Variants in DEFB129 observed in about 807,000 individuals in gnomAD.
The protein encoded by DEFB129 is beta-defensin 129.
A neutral mutation model predicts 2.5 loss-of-function variants in DEFB129; 2 were observed. That is an observed-to-expected ratio of 0.80 (90% CI 0.33 to 2.53). The LOEUF (loss-of-function observed/expected upper bound fraction) is 2.53. Among genes scored for constraint, DEFB129 ranks in the 30% most tolerant of loss-of-function variants. The pLI is 0.11. For missense variants in DEFB129, 177 were observed against 216.9 expected, an observed-to-expected ratio of 0.82 and a Z score of 1.16; for synonymous variants, 76 against 74.4, an observed-to-expected ratio of 1.02 and a Z score of -0.11.
Position 229,615 on chromosome 20 carries a change from T to C in DEFB129, c.396T>C (p.Thr132=). ...CTATGAACTCTGCCACCATCAGCACTATGACCCCAGGACAGATCACATACA... is the reference window on the plus strand; with the variant it reads ...CTATGAACTCTGCCACCATCAGCACCATGACCCCAGGACAGATCACATACA... The part of the protein sequence containing the change: ...ATPMNSATIS[T]MTPGQITYTA... The change falls in exon 2 of 2, where the codon ACT becomes ACC. Residue 132 remains threonine, a synonymous_variant. Transcript: ENST00000246105. The C allele has an allele frequency of 6.2e-7, 1 of 1,614,138 alleles. No homozygotes were observed. Among genetic ancestry groups the C allele is most frequent in the South Asian group, 1.1e-5 (1 of 91,068 alleles).
intron 1 of DEFB129, among the ~76,000 whole-genome samples, chr20:228,214 T>A (rs1371310975): frequency 6.6e-6 from 1 of 152,132 alleles, no homozygotes; most frequent in Non-Finnish European, 1.5e-5. Context: ...TTTGAAAAAA[T>A]TAGCAAAGGG....
In DEFB129 at chr20:229,817, A is replaced by G. The variant is rs73058578; in HGVS notation, c.*46A>G. On this transcript the variant is annotated 3_prime_UTR_variant, in exon 2 of 2. Coordinates refer to ENST00000246105, the MANE Select transcript of DEFB129 (RefSeq NM_080831.4). ...CTCCAAGTTCCTCTCTATTTTTGCT[A>G]TCTATAAAATGACATAGAACTGTTT... is the stretch of plus-strand genomic sequence containing the variant. The G allele has an allele frequency of 6.8e-3, 10,631 of 1,563,956 alleles. 64 individuals are homozygous for G. The highest frequency in any genetic ancestry group is 0.017 in the South Asian group (1,440 of 83,326).
Position 229,495 on chromosome 20 carries a change from G to T in DEFB129, c.276G>T (p.Val92=). 1.2e-6 allele frequency: 2 copies of T among 1,614,124 alleles called. No homozygotes were observed. Among genetic ancestry groups the T allele is most frequent in the Non-Finnish European group, 1.7e-6 (2 of 1,180,030 alleles). ...AACCTGCCAAGAATTCTAGTGCTGT[G>T]ATACAAAGAAAACATATTTTATCTG... ...MLKPAKNSSA[V]IQRKHILSVL... Residue 92 remains valine, a synonymous_variant, in exon 2 of 2, where the codon GTG becomes GTT. Coordinates refer to ENST00000246105, the MANE Select transcript of DEFB129 (RefSeq NM_080831.4).
At chr20:229,211 A>G in intron 1 of DEFB129, 67 bp from the exon 2 acceptor site, 1 of 1,517,304 alleles carries the variant, frequency 6.6e-7, no homozygotes, top group East Asian at 2.3e-5. Flanking sequence ...TCCATCTCCC[A>G]CTAGCAGTTT....
In DEFB129 at chr20:228,821, T is replaced by G. The variant is rs147793255; in HGVS notation, c.59-457T>G. ...GTGATTGTTGAGAAGAGAGAAGTCATGGGCTACTGAGTTTGGTGAAAAGAT... is the reference window on the plus strand; with the variant it reads ...GTGATTGTTGAGAAGAGAGAAGTCAGGGGCTACTGAGTTTGGTGAAAAGAT... On this transcript the variant is annotated intron_variant, in intron 1 of 1. Coordinates refer to ENST00000246105, the MANE Select transcript of DEFB129 (RefSeq NM_080831.4). 7.2e-3 allele frequency among the ~76,000 whole-genome samples: 1,094 copies of G among 152,316 alleles called. 4 individuals are homozygous for G. Among genetic ancestry groups the G allele is most frequent in the Middle Eastern group, 0.02 (6 of 294 alleles).
chr20:227,707 A>ATTTT (rs780439922), intron 1 of DEFB129, among the ~76,000 whole-genome samples: 17,839 of 151,486 alleles, frequency 0.12, 1,208 homozygotes, highest in East Asian at 0.2. Context: ...TTTTTTTAAA[A>ATTTT]AAAGTCCTGG....
rs1377183176 is a variant in DEFB129, at chr20:229,634, A to G, written c.415A>G (p.Thr139Ala). ...TISTMTPGQI[T>A]YTATSTKSNT... ...CAGCACTATGACCCCAGGACAGATCACATACACTGCTACTTCTACCAAGAG... is the reference window on the plus strand; with the variant it reads ...CAGCACTATGACCCCAGGACAGATCGCATACACTGCTACTTCTACCAAGAG... The change falls in exon 2 of 2, where the codon ACA (threonine) becomes GCA (alanine). Residue 139 changes from threonine to alanine, a missense_variant. Thr to Ala is a moderately conservative substitution (Grantham distance 58). Coordinates refer to ENST00000246105, the MANE Select transcript of DEFB129 (RefSeq NM_080831.4). 3 of 1,614,036 alleles carry G rather than the reference A, an allele frequency of 1.9e-6. No individual in the cohort carries two copies. The highest frequency in any genetic ancestry group is 1.6e-4 in the Middle Eastern group (1 of 6,082).
At position 229,819 on chromosome 20, in the gene DEFB129, C is replaced by A. The variant is rs373681747; in HGVS notation, c.*48C>A. 2.0e-5 allele frequency: 32 copies of A among 1,561,964 alleles called. No individual in the cohort carries two copies. The African/African-American group carries it at 4.2e-4, about 21-fold the overall frequency. On this transcript the variant is annotated 3_prime_UTR_variant, in exon 2 of 2. Coordinates refer to ENST00000246105, the MANE Select transcript of DEFB129 (RefSeq NM_080831.4). ...CCAAGTTCCTCTCTATTTTTGCTAT[C>A]TATAAAATGACATAGAACTGTTTCC...
rs750636952 is a variant in DEFB129 at position 229,564 on chromosome 20, C to T, written c.345C>T (p.Asn115=). ...IKSTSFFANT[N]FVIIPNATPM... ...GCACTAGCTTTTTTGCTAATACCAACTTTGTCATCATTCCAAATGCCACCC... is the reference window on the plus strand; with the variant it reads ...GCACTAGCTTTTTTGCTAATACCAATTTTGTCATCATTCCAAATGCCACCC... Residue 115 remains asparagine (N), a synonymous_variant, in exon 2 of 2, where the codon AAC becomes AAT. Coordinates refer to ENST00000246105, the MANE Select transcript of DEFB129 (RefSeq NM_080831.4). 1 of 1,614,198 alleles carries T rather than the reference C, an allele frequency of 6.2e-7. No individual in the cohort carries two copies. Among genetic ancestry groups the T allele is most frequent in the Non-Finnish European group, 8.5e-7 (1 of 1,180,032 alleles).
rs1258730031 is a variant in DEFB129, at chr20:229,626, G to A, written c.407G>A (p.Gly136Glu). The change falls in exon 2 of 2, where the codon GGA (glycine) becomes GAA (glutamate). Residue 136 changes from glycine to glutamate, a missense_variant. By Grantham distance (98) the Gly-to-Glu change is moderately conservative. Coordinates refer to ENST00000246105, the MANE Select transcript of DEFB129 (RefSeq NM_080831.4). ...GCCACCATCAGCACTATGACCCCAG[G>A]ACAGATCACATACACTGCTACTTCT... is the stretch of plus-strand genomic sequence containing the variant. ...NSATISTMTP[G>E]QITYTATSTK... 1 of 1,613,920 alleles carries A rather than the reference G, an allele frequency of 6.2e-7. No individual in the cohort carries two copies. Among genetic ancestry groups the A allele is most frequent in the East Asian group, 2.2e-5 (1 of 44,902 alleles).
At position 229,471 on chromosome 20, in the gene DEFB129, AC is replaced by A; in HGVS notation, c.254del (p.Pro85LeufsTer8). On this transcript the variant is annotated frameshift_variant, in exon 2 of 2. Coordinates refer to ENST00000246105, the MANE Select transcript of DEFB129 (RefSeq NM_080831.4). LOFTEE classifies it low-confidence loss of function (END_TRUNC). ...LNEDVQEMLK[P>X]AKNSSAVIQR... ...ATGAAGACGTCCAAGAAATGCTAAAACCTGCCAAGAATTCTAGTGCTGTGAT... is the reference window on the plus strand; with the variant it reads ...ATGAAGACGTCCAAGAAATGCTAAAACTGCCAAGAATTCTAGTGCTGTGAT... The A allele has an allele frequency of 6.2e-7, 1 of 1,614,126 alleles. No homozygotes were observed. Among genetic ancestry groups the A allele is most frequent in the Non-Finnish European group, 8.5e-7 (1 of 1,180,016 alleles).
intron 1 of DEFB129, 53 bp from the exon 2 acceptor site, chr20:229,222 TAAC>T (rs1412081740): frequency 6.5e-7 from 1 of 1,528,270 alleles, no homozygotes; most frequent in African/African-American, 1.4e-5. Flanking sequence ...CTAGCAGTTT[TAAC>T]ATCATCTCTA....
In DEFB129 at chr20:229,431, C is replaced by A; in HGVS notation, c.212C>A (p.Thr71Lys). 2.5e-6 allele frequency: 4 copies of A among 1,614,156 alleles called. No individual in the cohort carries two copies. Among genetic ancestry groups the A allele is most frequent in the Non-Finnish European group, 3.4e-6 (4 of 1,180,038 alleles). Residue 71 changes from threonine (T) to lysine (K), a missense_variant, in exon 2 of 2, where the codon ACA (threonine) becomes AAA (lysine). Transcript: ENST00000246105. ...ATTAAAAACTACCTGCAATATGGAA[C>A]ACCAAATGTACTTAATGAAGACGTC... is the stretch of plus-strand genomic sequence containing the variant. ...KLIKNYLQYG[T>K]PNVLNEDVQE...
At chr20:228,085 CAT>C (rs2011301656) in intron 1 of DEFB129, among the ~76,000 whole-genome samples, 1 of 152,172 alleles carries the variant, frequency 6.6e-6, no homozygotes, top group Admixed American at 6.5e-5. Flanking sequence ...CCCAAACTAC[CAT>C]AAGGGCATCT....
Position 229,837 on chromosome 20 carries a change from C to G in DEFB129, c.*66C>G. The G allele has an allele frequency of 6.6e-7, 1 of 1,524,514 alleles. No homozygotes were observed. Among genetic ancestry groups the G allele is most frequent in the Admixed American group, 2.0e-5 (1 of 50,346 alleles). The allele number at this position is 1,524,514 out of a possible 1,614,324, so 94.4% of individuals were successfully genotyped here. On this transcript the variant is annotated 3_prime_UTR_variant, in exon 2 of 2. Transcript: ENST00000246105. ...TTGCTATCTATAAAATGACATAGAA[C>G]TGTTTCCTCTGTCATCAGTCATTCA...
intron 1 of DEFB129, 68 bp from the exon 2 acceptor site, chr20:229,210 C>T (rs6074833): frequency 0.1 from 154,178 of 1,512,004 alleles, 10,630 homozygotes; most frequent in African/African-American, 0.33. Flanking sequence ...ATCCATCTCC[C>T]ACTAGCAGTT....
At chr20:228,737 T>C (rs976851161) in intron 1 of DEFB129, among the ~76,000 whole-genome samples, 4 of 152,172 alleles carry the variant, frequency 2.6e-5, no homozygotes, top group Non-Finnish European at 5.9e-5. Context: ...TTCTGAGAGA[T>C]AGAGTGTCCA....
At position 229,355 on chromosome 20, in the gene DEFB129, C is replaced by T. The variant is rs766089127; in HGVS notation, c.136C>T (p.Gln46Ter). ...DHCNVDEKEI[Q>*]KCKMKKCCVG... Reference sequence around the variant, plus strand: ...CTGCAATGTGGATGAAAAAGAGATACAGAAATGCAAGATGAAAAAATGTTG... The same window carrying T: ...CTGCAATGTGGATGAAAAAGAGATATAGAAATGCAAGATGAAAAAATGTTG... Residue 46 changes from glutamine to a stop codon, truncating the protein, a stop_gained, in exon 2 of 2, where the codon CAG becomes TAG. Transcript: ENST00000246105. LOFTEE classifies it low-confidence loss of function (END_TRUNC). The T allele has an allele frequency of 1.2e-6, 2 of 1,613,800 alleles. No individual in the cohort carries two copies. Among genetic ancestry groups the T allele is most frequent in the Non-Finnish European group, 1.7e-6 (2 of 1,179,982 alleles).
chr20:229,177 A>T (rs906860484), intron 1 of DEFB129, 101 bp from the exon 2 acceptor site: 9 of 1,431,882 alleles, frequency 6.3e-6, no homozygotes, highest in Non-Finnish European at 8.4e-6. Flanking sequence ...AAAATGTAGT[A>T]TGAGTAAACT....
Sources: gnomAD v4.1 joint callset for allele counts (sites outside exome capture counted in the v4.1 genomes callset) on GRCh38, gnomAD v4.1.1 for gene constraint, MANE v1.5 for transcripts, NCBI Gene and HGNC (gene_info 2026-07-23, HGNC 2026-07-21) for gene names.